Variants in NEGR1 observed in about 807,000 individuals in gnomAD.
NEGR1 encodes neuronal growth regulator 1.
A neutral mutation model predicts 40.9 loss-of-function variants in NEGR1; 10 were observed. The observed-to-expected ratio is 0.24, with a 90% CI of 0.15 to 0.42. The LOEUF is 0.42. NEGR1 is among the 10% of genes least tolerant of loss of function. The probability of loss-of-function intolerance (pLI) is 1.00; values close to 1 mark genes in which losing one functional copy is unlikely to be tolerated. For missense variants in NEGR1, 352 were observed against 438.9 expected, an observed-to-expected ratio of 0.80 and a Z score of 1.77; for synonymous variants, 185 against 166.8, an observed-to-expected ratio of 1.11 and a Z score of -0.84.
intron 4 of NEGR1, among the ~76,000 whole-genome samples, chr1:71,663,862 G>T (rs889065921): frequency 3.9e-5 from 6 of 152,178 alleles, no homozygotes; most frequent in Non-Finnish European, 5.9e-5. Context: ...CTCTGCAGGT[G>T]GATAAACCTG....
rs900627263 is a variant in NEGR1, at chr1:71,884,016, T to C, written c.409+51063A>G. Among the ~76,000 whole-genome samples, 12 of 152,226 alleles carry C rather than the reference T, an allele frequency of 7.9e-5. 1 individual carries two copies. In the East Asian group the frequency reaches 2.1e-3, roughly 27 times the overall value. ...TTTTTTTTTACTTTCCTAGATATTA[T>C]GACTCTTTTGTATCCTTAACCATAA... On this transcript the variant is annotated intron_variant, in intron 2 of 6. Coordinates refer to ENST00000357731, the MANE Select transcript of NEGR1 (RefSeq NM_173808.3).
chr1:71,776,465 G>A (rs937394070), intron 2 of NEGR1, among the ~76,000 whole-genome samples, 168 bp from the exon 3 acceptor site: 1 of 152,120 alleles, frequency 6.6e-6, no homozygotes, highest in Admixed American at 6.5e-5. Context: ...AGACTTTCTA[G>A]GAGTTTTTTA....
chr1:72,121,707 G>A (rs1256735292), intron 1 of NEGR1, among the ~76,000 whole-genome samples: 1 of 151,912 alleles, frequency 6.6e-6, no homozygotes, highest in Non-Finnish European at 1.5e-5. Context: ...AGAACTGTAA[G>A]AAAATGACTA....
At chr1:71,547,124 T>A (rs1647925085) in intron 6 of NEGR1, among the ~76,000 whole-genome samples, 1 of 151,756 alleles carries the variant, frequency 6.6e-6, no homozygotes, top group African/African-American at 2.4e-5. Context: ...TTCCTTTTCT[T>A]CCAGAAAGTT....
rs1003256200 is a variant in NEGR1 at position 72,125,970 on chromosome 1, C to A, written c.176+156349G>T. Among the ~76,000 whole-genome samples, 15 of 152,170 alleles carry A rather than the reference C, an allele frequency of 9.9e-5. No individual in the cohort carries two copies. In the East Asian group the frequency reaches 2.9e-3, roughly 29 times the overall value. On this transcript the variant is annotated intron_variant, in intron 1 of 6. Transcript: ENST00000357731. The stretch of plus-strand genomic sequence containing the variant: ...TGTCCCTCAGAGACTGCTTTCCCAA[C>A]AAAATAAATAATTCTGGTTTGCGAA...
intron 6 of NEGR1, among the ~76,000 whole-genome samples, chr1:71,411,314 A>G (rs1646318889): frequency 6.6e-6 from 1 of 152,188 alleles, no homozygotes. Context: ...TTGAGCAAGA[A>G]GACAGATCAT....
intron 2 of NEGR1, among the ~76,000 whole-genome samples, chr1:71,930,497 C>T (rs771174744): frequency 3.3e-5 from 5 of 152,148 alleles, no homozygotes; most frequent in Non-Finnish European, 7.4e-5. Flanking sequence ...GCATCCTACT[C>T]TTCTCTTGTT....
At chr1:72,223,725 TC>T (rs1400212417) in intron 1 of NEGR1, among the ~76,000 whole-genome samples, 2 of 152,136 alleles carry the variant, frequency 1.3e-5, no homozygotes, top group Non-Finnish European at 2.9e-5. Flanking sequence ...TCGTCTCCTC[TC>T]AAAAAAGATC....
intron 1 of NEGR1, among the ~76,000 whole-genome samples, chr1:72,162,475 A>G (rs1490870701): frequency 6.6e-6 from 1 of 152,116 alleles, no homozygotes; most frequent in East Asian, 1.9e-4. Flanking sequence ...CAAACAAACA[A>G]ACAAACAAAA....
chr1:71,427,998 T>A (rs201411054), intron 6 of NEGR1, among the ~76,000 whole-genome samples: 6 of 149,904 alleles, frequency 4.0e-5, no homozygotes, highest in African/African-American at 7.3e-5. Context: ...GATAACACAC[T>A]CACACACACA....
At position 71,675,112 on chromosome 1, in the gene NEGR1, C is replaced by CATAT. The variant is rs1553157758; in HGVS notation, c.667+22892_667+22895dup. Reference sequence around the variant, plus strand: ...GCAATATATAAAATGCATGTTTATTCATATATATATATATACACACACACA... The same window carrying CATAT: ...GCAATATATAAAATGCATGTTTATTCATATATATATATATATATACACACACACA... On this transcript the variant is annotated intron_variant, in intron 4 of 6. Transcript: ENST00000357731. 3.8e-4 allele frequency among the ~76,000 whole-genome samples: 17 copies of CATAT among 45,204 alleles called. 3 individuals carry two copies. The highest frequency in any genetic ancestry group is 2.8e-3 in the East Asian group (3 of 1,082). The allele number at this position is 45,204 out of a possible 152,430, so 29.7% of individuals were successfully genotyped here. A position where few individuals can be genotyped will look rare whatever the true frequency, so the allele number is the denominator to read the frequency against.
At chr1:71,652,983 G>A (rs1218534774) in intron 4 of NEGR1, among the ~76,000 whole-genome samples, 1 of 152,074 alleles carries the variant, frequency 6.6e-6, no homozygotes, top group Non-Finnish European at 1.5e-5. Flanking sequence ...CATCTTGTCA[G>A]ACACAGGTAT....
At chr1:72,125,762 A>T (rs1445856874) in intron 1 of NEGR1, among the ~76,000 whole-genome samples, 3 of 152,218 alleles carry the variant, frequency 2.0e-5, no homozygotes, top group Non-Finnish European at 4.4e-5. Context: ...ATAAAAAAAT[A>T]GATTTTTGAA....
At chr1:71,994,903 C>T (rs372770984) in intron 1 of NEGR1, among the ~76,000 whole-genome samples, 9 of 147,940 alleles carry the variant, frequency 6.1e-5, no homozygotes, top group African/African-American at 1.7e-4. Flanking sequence ...GCAGCTGGCA[C>T]TTAACATCAA....
chr1:71,939,482 G>A (rs956623004), intron 1 of NEGR1, among the ~76,000 whole-genome samples: 69 of 152,116 alleles, frequency 4.5e-4, no homozygotes, highest in African/African-American at 1.5e-3. Flanking sequence ...ATATGATAAA[G>A]TGTATCAAAA....
intron 6 of NEGR1, among the ~76,000 whole-genome samples, chr1:71,512,575 T>C (rs1188513203): frequency 2.6e-5 from 4 of 151,276 alleles, no homozygotes; most frequent in African/African-American, 9.8e-5. Context: ...AAAGCATAAA[T>C]ACTAATCGAT....
At chr1:72,103,597 G>T (rs796659813) in intron 1 of NEGR1, among the ~76,000 whole-genome samples, 2 of 152,042 alleles carry the variant, frequency 1.3e-5, no homozygotes, top group Admixed American at 6.6e-5. Flanking sequence ...ATTAACTAAG[G>T]ATCTGGATTT....
intron 1 of NEGR1, among the ~76,000 whole-genome samples, chr1:72,027,162 G>A (rs1212874280): frequency 1.3e-5 from 2 of 152,010 alleles, no homozygotes; most frequent in Non-Finnish European, 2.9e-5. Context: ...TCCTGACCTC[G>A]TGATCCACCC....
chr1:71,987,118 C>T (rs190730688), intron 1 of NEGR1, among the ~76,000 whole-genome samples: 7 of 152,164 alleles, frequency 4.6e-5, no homozygotes, highest in Non-Finnish European at 7.4e-5. Flanking sequence ...GTACCTAACC[C>T]GTCTACTTTT....
Sources: allele counts gnomAD v4.1 joint callset (sites outside exome capture counted in the v4.1 genomes callset), GRCh38; gene constraint gnomAD v4.1.1; transcripts MANE v1.5; gene names NCBI Gene and HGNC (gene_info 2026-07-23, HGNC 2026-07-21).